CDH13: variants seen among roughly 807,000 people sequenced by gnomAD.
CDH13 encodes cadherin-13.
In CDH13, 24 loss-of-function variants were observed where a neutral mutation model predicts 63.8. The observed-to-expected ratio is 0.38, with a 90% confidence interval of 0.27 to 0.53. The LOEUF (loss-of-function observed/expected upper bound fraction) is 0.53. CDH13 is among the 20% of genes least tolerant of loss of function. The probability of loss-of-function intolerance (pLI) is 0.85; values close to 1 mark genes in which losing one functional copy is unlikely to be tolerated. For synonymous variants in CDH13, 503 were observed against 355.3 expected (o/e 1.42, Z -4.67); for missense variants, 1,049 against 903.1 (o/e 1.16, Z -2.07).
chr16:82,858,588 T>G, intron 2 of CDH13, 115 bp downstream of exon 2: 1 of 796,992 alleles, frequency 1.3e-6, no homozygotes, highest in South Asian at 1.5e-5. Flanking sequence ...TCTGATTATT[T>G]TTCTTATGTC....
intron 3 of CDH13, among the ~76,000 whole-genome samples, chr16:83,099,964 G>A (rs980224204): frequency 6.6e-6 from 1 of 152,108 alleles, no homozygotes; most frequent in Non-Finnish European, 1.5e-5. Flanking sequence ...AGCCAAGTTA[G>A]CATGCAGCCT....
intron 1 of CDH13, among the ~76,000 whole-genome samples, chr16:82,689,195 C>A (rs751151004): frequency 6.6e-6 from 1 of 151,066 alleles, no homozygotes; most frequent in East Asian, 1.9e-4. Flanking sequence ...ATAAAACCAG[C>A]CTGTCAAACT....
intron 6 of CDH13, among the ~76,000 whole-genome samples, chr16:83,398,562 T>C (rs1401769507): frequency 6.6e-6 from 1 of 152,222 alleles, no homozygotes; most frequent in Non-Finnish European, 1.5e-5. Flanking sequence ...ATAAGATTCA[T>C]GCACAGGTTC....
At chr16:83,058,753 A>G (rs1391048392) in intron 3 of CDH13, among the ~76,000 whole-genome samples, 2 of 152,236 alleles carry the variant, frequency 1.3e-5, no homozygotes, top group African/African-American at 4.8e-5. Flanking sequence ...TGAAGTCAGC[A>G]TCTGGGATGG....
Position 83,121,624 on chromosome 16 carries a change from C to G in CDH13, c.367-3761C>G, listed in dbSNP as rs118088557. Among the ~76,000 whole-genome samples, 7 of 152,198 alleles carry G rather than the reference C, an allele frequency of 4.6e-5. No homozygotes were observed. The East Asian group carries it at 1.3e-3, about 29-fold the overall frequency. ...TAGGAGTATTGCCTACTAACAAACCCAAATGTAACTTTGTCCCTGCTATGG... is the reference window on the plus strand; with the variant it reads ...TAGGAGTATTGCCTACTAACAAACCGAAATGTAACTTTGTCCCTGCTATGG... On this transcript the variant is annotated intron_variant, in intron 3 of 13. Transcript: ENST00000567109.
chr16:83,385,929 G>A (rs189167937), intron 6 of CDH13, among the ~76,000 whole-genome samples: 1 of 152,320 alleles, frequency 6.6e-6, no homozygotes, highest in African/African-American at 2.4e-5. Context: ...TTATCACAAT[G>A]TAGTTTATCA....
chr16:83,171,494 C>T lies in CDH13; in HGVS notation c.484-45851C>T, dbSNP rs577448959. On this transcript the variant is annotated intron_variant, in intron 4 of 13. Transcript: ENST00000567109. ...AGGTTACTCATTCTATGAAAATAGA[C>T]TGCCCATAAATAATCTTTGTTTTTC... 223 of 1,523,120 alleles carry T rather than the reference C, an allele frequency of 1.5e-4. 1 individual carries two copies. In the African/African-American group the frequency reaches 2.9e-3, roughly 19 times the overall value. 94.4% of individuals were successfully genotyped at this position (1,523,120 alleles called of 1,614,324 possible).
intron 1 of CDH13, among the ~76,000 whole-genome samples, chr16:82,701,415 C>T (rs955350495): frequency 1.3e-5 from 2 of 152,128 alleles, no homozygotes; most frequent in African/African-American, 4.8e-5. Flanking sequence ...GGGTGTTTGA[C>T]ATGCATTGTC....
chr16:82,717,019 C>G (rs1189171689), intron 1 of CDH13, among the ~76,000 whole-genome samples: 1 of 152,058 alleles, frequency 6.6e-6, no homozygotes, highest in African/African-American at 2.4e-5. Context: ...GGGGAATGAG[C>G]TGAGCTTGGC....
intron 1 of CDH13, among the ~76,000 whole-genome samples, chr16:82,683,762 T>C (rs1914788290): frequency 6.6e-6 from 1 of 152,186 alleles, no homozygotes; most frequent in African/African-American, 2.4e-5. Flanking sequence ...AGGGAGAAAA[T>C]GAGACTCAAG....
chr16:82,996,981 G>GTGGTGGTGGTGGTAATGATGATGC, intron 2 of CDH13, among the ~76,000 whole-genome samples: 1 of 148,292 alleles, frequency 6.7e-6, no homozygotes, highest in South Asian at 2.2e-4. Context: ...AATGATGATG[G>GTGGTGGTGGTGGTAATGATGATGC]TGATGGTGGT....
chr16:83,431,982 G>C (rs2072127421), intron 6 of CDH13, among the ~76,000 whole-genome samples: 1 of 152,164 alleles, frequency 6.6e-6, no homozygotes, highest in South Asian at 2.1e-4. Context: ...TGTTTTAATG[G>C]ATCCTTCTGG....
intron 6 of CDH13, among the ~76,000 whole-genome samples, chr16:83,457,302 T>A: frequency 6.6e-6 from 1 of 152,144 alleles, no homozygotes; most frequent in South Asian, 2.1e-4. Flanking sequence ...TTACCTCTAA[T>A]TGTTACAGCT....
chr16:83,107,414 A>G (rs1347072619), intron 3 of CDH13, among the ~76,000 whole-genome samples: 11 of 152,204 alleles, frequency 7.2e-5, no homozygotes, highest in African/African-American at 2.4e-4. Flanking sequence ...TGTTGACTAA[A>G]TGAATTAAAT....
At chr16:83,007,373 G>A (rs181712005) in intron 2 of CDH13, among the ~76,000 whole-genome samples, 11 of 152,240 alleles carry the variant, frequency 7.2e-5, no homozygotes, top group East Asian at 5.8e-4. Flanking sequence ...CATTTCACAC[G>A]TGAGGAAACT....
chr16:83,181,535 G>T (rs2038348544), intron 4 of CDH13, among the ~76,000 whole-genome samples: 1 of 152,200 alleles, frequency 6.6e-6, no homozygotes, highest in Non-Finnish European at 1.5e-5. Context: ...AATACCCTCA[G>T]TTATGTCATC....
intron 10 of CDH13, among the ~76,000 whole-genome samples, chr16:83,705,664 A>C (rs1035323669): frequency 6.6e-6 from 1 of 152,214 alleles, no homozygotes; most frequent in Non-Finnish European, 1.5e-5. Flanking sequence ...AGAGAGAATT[A>C]AGCTTTATTG....
At chr16:83,591,832 T>C (rs1906784860) in intron 7 of CDH13, among the ~76,000 whole-genome samples, 1 of 152,234 alleles carries the variant, frequency 6.6e-6, no homozygotes, top group Admixed American at 6.5e-5. Flanking sequence ...CTTTTTCTTG[T>C]CCCTTTGGTG....
At chr16:82,804,080 T>C (rs1263236616) in intron 1 of CDH13, among the ~76,000 whole-genome samples, 1 of 144,644 alleles carries the variant, frequency 6.9e-6, no homozygotes, top group Non-Finnish European at 1.5e-5. Context: ...ATATAAAAAT[T>C]AGCTGGGCGT....
Sources: gnomAD v4.1 joint callset for allele counts (sites outside exome capture counted in the v4.1 genomes callset) on GRCh38, gnomAD v4.1.1 for gene constraint, MANE v1.5 for transcripts, NCBI Gene and HGNC (gene_info 2026-07-23, HGNC 2026-07-21) for gene names.